Variants in AKAP9 observed in about 807,000 individuals in gnomAD.
AKAP9 encodes the protein A-kinase anchoring protein 9.
Under a neutral mutation model 488.5 loss-of-function variants are expected in AKAP9, and 311 were observed. The observed-to-expected ratio is 0.64, with a 90% CI of 0.58 to 0.70. The LOEUF (loss-of-function observed/expected upper bound fraction) is 0.70, where lower values mean the gene tolerates loss of function less well. AKAP9 is among the 30% of genes least tolerant of loss of function. The pLI is 0.00. For missense variants in AKAP9, 4,215 were observed against 4,374.5 expected, an observed-to-expected ratio of 0.96 and a Z score of 1.03; for synonymous variants, 1,462 against 1,483.5, an observed-to-expected ratio of 0.99 and a Z score of 0.33.
At chr7:92,101,612 T>C (rs1252469151) in intron 45 of AKAP9, among the ~76,000 whole-genome samples, 1 of 152,196 alleles carries the variant, frequency 6.6e-6, no homozygotes, top group East Asian at 1.9e-4. Flanking sequence ...CCACTTTCCC[T>C]GGTTTCATCC....
intron 22 of AKAP9, among the ~76,000 whole-genome samples, chr7:92,056,401 G>T (rs1563059835): frequency 6.6e-6 from 1 of 151,830 alleles, no homozygotes; most frequent in Admixed American, 6.6e-5. Context: ...ATAAAGCTGA[G>T]CATCTGGGAT....
chr7:92,089,439 T>C lies in AKAP9; in HGVS notation c.9268T>C (p.Leu3090=), dbSNP rs1488026046. 1.9e-6 allele frequency: 3 copies of C among 1,612,390 alleles called. No homozygotes were observed. In the African/African-American group the frequency reaches 4.0e-5, roughly 22 times the overall value. Residue 3090 remains leucine, a synonymous_variant, in exon 38 of 50, where the codon TTG becomes CTG. Coordinates refer to ENST00000356239, the MANE Select transcript of AKAP9 (RefSeq NM_005751.5). ...ECLQKADRRS[L]LSEIQALHAQ... is the part of the protein sequence containing the mutation. Reference sequence around the variant, plus strand: ...CCTCCAGAAAGCAGATAGAAGGAGTTTGTTATCTGAAATTCAGGCACTGCA... The same window carrying C: ...CCTCCAGAAAGCAGATAGAAGGAGTCTGTTATCTGAAATTCAGGCACTGCA...
chr7:92,015,029 A>G (rs905920557), intron 10 of AKAP9, among the ~76,000 whole-genome samples: 4 of 152,228 alleles, frequency 2.6e-5, no homozygotes, highest in African/African-American at 9.7e-5. Flanking sequence ...AATCAACTCT[A>G]ATGTGAGAAA....
At chr7:92,062,206 A>T in intron 23 of AKAP9, 68 bp from the exon 24 acceptor site, 1 of 1,384,954 alleles carries the variant, frequency 7.2e-7, no homozygotes, top group Non-Finnish European at 1.0e-6. Flanking sequence ...TTTGTTGTTT[A>T]TATTAAAACC....
At chr7:92,051,388 G>T (rs1425253628) in intron 21 of AKAP9, among the ~76,000 whole-genome samples, 1 of 152,162 alleles carries the variant, frequency 6.6e-6, no homozygotes, top group Non-Finnish European at 1.5e-5. Context: ...TTGAGCACAT[G>T]GAGTAATATA....
At chr7:92,031,022 T>C (rs2130756046) in intron 15 of AKAP9, among the ~76,000 whole-genome samples, 1 of 152,364 alleles carries the variant, frequency 6.6e-6, no homozygotes, top group South Asian at 2.1e-4. Context: ...AGAAATACTT[T>C]CATACTGAGA....
intron 26 of AKAP9, 44 bp downstream of exon 26, chr7:92,066,590 C>G (rs1258605057): frequency 6.2e-7 from 1 of 1,607,734 alleles, no homozygotes; most frequent in Non-Finnish European, 8.5e-7. Context: ...TAATTTGTAT[C>G]AAGTGTAAAA....
intron 16 of AKAP9, among the ~76,000 whole-genome samples, chr7:92,034,498 ATTTTT>A (rs59961119): frequency 1.8e-3 from 170 of 95,422 alleles, no homozygotes; most frequent in African/African-American, 5.7e-3. Flanking sequence ...ATATATATAT[ATTTTT>A]TTTTTTTTTT....
At chr7:92,049,725 A>G (rs952834842) in intron 21 of AKAP9, among the ~76,000 whole-genome samples, 73 of 152,188 alleles carry the variant, frequency 4.8e-4, no homozygotes, top group African/African-American at 1.7e-3. Flanking sequence ...GAACATATTC[A>G]GATTATTTCA....
chr7:92,097,778 C>CTTT lies in AKAP9; in HGVS notation c.10591_10592insTTT (p.Gln3531delinsLeuTer). ...AGCTTCAAAACTACAGGTTCTACCC[C>CTTT]AGAAAGCCTCTGAGAGGTTAGACTT... On this transcript the variant is annotated stop_gained and protein_altering_variant, in exon 42 of 50. Coordinates refer to ENST00000356239, the MANE Select transcript of AKAP9 (RefSeq NM_005751.5). LOFTEE classifies it high-confidence loss of function. 1.2e-6 allele frequency: 2 copies of CTTT among 1,614,148 alleles called. No homozygotes were observed. The highest frequency in any genetic ancestry group is 1.7e-6 in the Non-Finnish European group (2 of 1,180,006).
chr7:92,051,891 T>G (rs374649845), intron 21 of AKAP9, among the ~76,000 whole-genome samples: 10 of 152,160 alleles, frequency 6.6e-5, no homozygotes, highest in African/African-American at 2.4e-4. Flanking sequence ...CACAAAGGAG[T>G]ATTTAATGGC....
Position 92,066,510 on chromosome 7 carries a change from T to C in AKAP9, c.6294T>C (p.Pro2098=), listed in dbSNP as rs780961744. 4 of 1,613,540 alleles carry C rather than the reference T, an allele frequency of 2.5e-6. No homozygotes were observed. The highest frequency in any genetic ancestry group is 3.4e-6 in the Non-Finnish European group (4 of 1,179,616). Residue 2098 remains proline (P), a synonymous_variant, in exon 26 of 50, where the codon CCT becomes CCC. Coordinates refer to ENST00000356239, the MANE Select transcript of AKAP9 (RefSeq NM_005751.5). ...QKLEQQLKVV[P]RFQPISEHQT... is the part of the protein sequence containing the mutation. ...TAGAACAGCAACTTAAGGTTGTTCC[T>C]CGATTCCAGCCTATCAGTGAACATC...
chr7:91,952,297 C>G (rs2130473671), intron 1 of AKAP9, among the ~76,000 whole-genome samples: 1 of 152,316 alleles, frequency 6.6e-6, no homozygotes, highest in South Asian at 2.1e-4. Context: ...TATGATTGAA[C>G]ACTTACTACT....
At chr7:92,109,276 A>T (rs1819002031) in intron 49 of AKAP9, among the ~76,000 whole-genome samples, 1 of 152,190 alleles carries the variant, frequency 6.6e-6, no homozygotes, top group Non-Finnish European at 1.5e-5. Flanking sequence ...TTCCCTGTTC[A>T]TGGAAGGAAA....
At chr7:92,034,452 A>G (rs1804816305) in intron 16 of AKAP9, among the ~76,000 whole-genome samples, 1 of 149,184 alleles carries the variant, frequency 6.7e-6, no homozygotes, top group Non-Finnish European at 1.5e-5. Context: ...GAATTTATAT[A>G]GGTAGAGTTG....
intron 1 of AKAP9, among the ~76,000 whole-genome samples, chr7:91,950,051 G>C (rs1414543510): frequency 6.6e-6 from 1 of 152,056 alleles, no homozygotes; most frequent in African/African-American, 2.4e-5. Flanking sequence ...GTCCTAATCT[G>C]TAAAGATTGA....
intron 48 of AKAP9, 31 bp downstream of exon 48, chr7:92,107,453 G>A: frequency 6.2e-7 from 1 of 1,604,112 alleles, no homozygotes; most frequent in Non-Finnish European, 8.5e-7. Context: ...GCCTGGAATT[G>A]TTAAATGTAT....
chr7:92,039,742 A>G (rs1481875160), intron 17 of AKAP9, among the ~76,000 whole-genome samples: 1 of 152,194 alleles, frequency 6.6e-6, no homozygotes, highest in Non-Finnish European at 1.5e-5. Context: ...TGGGAGGCCG[A>G]GGCAGGTGGA....
chr7:91,996,141 T>G (rs1170298200), intron 7 of AKAP9: 1 of 281,770 alleles, frequency 3.5e-6, no homozygotes, highest in Non-Finnish European at 6.5e-6. Flanking sequence ...AGAAATTTTA[T>G]GGATTTTAAT....
Sources: gnomAD v4.1 joint callset for allele counts (sites outside exome capture counted in the v4.1 genomes callset) on GRCh38, gnomAD v4.1.1 for gene constraint, MANE v1.5 for transcripts, NCBI Gene and HGNC (gene_info 2026-07-23, HGNC 2026-07-21) for gene names.